The following CTNNAL1 variants were observed in gnomAD, a reference collection of about 807,000 sequenced individuals.
The protein encoded by CTNNAL1 is catenin alpha like 1, also known as alpha-catulin.
A neutral mutation model predicts 93.6 loss-of-function variants in CTNNAL1; 69 were observed. The ratio of observed to expected loss-of-function variants is 0.74; its 90% CI spans 0.61 to 0.90. The LOEUF (loss-of-function observed/expected upper bound fraction) is 0.90, where lower values mean the gene tolerates loss of function less well. CTNNAL1 is among the 40% of genes least tolerant of loss of function. The probability of loss-of-function intolerance (pLI) is 0.00; values close to 1 mark genes in which losing one functional copy is unlikely to be tolerated. For missense variants in CTNNAL1, 836 were observed against 862.0 expected (o/e 0.97, Z 0.38); for synonymous variants, 286 against 305.4 (o/e 0.94, Z 0.66).
At chr9:108,979,101 T>C (rs950235141) in intron 7 of CTNNAL1, among the ~76,000 whole-genome samples, 180 bp downstream of exon 7, 6 of 152,108 alleles carry the variant, frequency 3.9e-5, no homozygotes, top group Non-Finnish European at 8.8e-5. Context: ...ATGTCAAGTA[T>C]TGTAAGTGCT....
At chr9:108,994,113 T>A (rs1831920169) in intron 2 of CTNNAL1, among the ~76,000 whole-genome samples, 1 of 152,088 alleles carries the variant, frequency 6.6e-6, no homozygotes, top group Admixed American at 6.6e-5. Flanking sequence ...GGGCCTGTAA[T>A]CCCAGCTACT....
intron 15 of CTNNAL1, among the ~76,000 whole-genome samples, chr9:108,947,799 G>A (rs1830448834): frequency 6.6e-6 from 1 of 152,188 alleles, no homozygotes; most frequent in Non-Finnish European, 1.5e-5. Flanking sequence ...TCTCTCATGT[G>A]TTATCTCATT....
At chr9:108,961,460 C>T (rs1163287572) in intron 11 of CTNNAL1, among the ~76,000 whole-genome samples, 2 of 152,152 alleles carry the variant, frequency 1.3e-5, no homozygotes, top group Admixed American at 6.5e-5. Flanking sequence ...CTACATAAAC[C>T]CTTCCTGAAC....
At chr9:108,972,868 G>GCCCCCCCCCCCCCCCGGGT in intron 8 of CTNNAL1, 35 bp from the exon 9 acceptor site, 1 of 1,092,792 alleles carries the variant, frequency 9.2e-7, no homozygotes, top group African/African-American at 1.7e-5. Context: ...GGGTGGGAGG[G>GCCCCCCCCCCCCCCCGGGT]TGGAGAAGGA....
intron 1 of CTNNAL1, among the ~76,000 whole-genome samples, chr9:109,006,540 C>A (rs1324441451): frequency 6.6e-6 from 1 of 152,060 alleles, no homozygotes; most frequent in African/African-American, 2.4e-5. Context: ...TCATAATATG[C>A]CAAATACAAT....
chr9:108,990,172 T>A (rs915675527), intron 4 of CTNNAL1, among the ~76,000 whole-genome samples: 6 of 152,216 alleles, frequency 3.9e-5, no homozygotes, highest in African/African-American at 1.2e-4. Context: ...GGAAAGTTTA[T>A]CCTTGTCTCA....
intron 11 of CTNNAL1, among the ~76,000 whole-genome samples, chr9:108,959,411 G>A (rs1006022837): frequency 3.6e-5 from 5 of 139,084 alleles, no homozygotes; most frequent in Non-Finnish European, 7.8e-5. Context: ...ATCACAGCGA[G>A]ACTCCCATCT....
chr9:108,979,589 T>A (rs551413691), intron 6 of CTNNAL1, 108 bp from the exon 7 acceptor site: 165 of 1,022,784 alleles, frequency 1.6e-4, no homozygotes, highest in South Asian at 9.8e-4. Flanking sequence ...CATTTCCTTT[T>A]CCCAAGCTGA....
intron 1 of CTNNAL1, 96 bp downstream of exon 1, chr9:109,013,206 G>A: frequency 7.4e-7 from 1 of 1,346,200 alleles, no homozygotes; most frequent in South Asian, 1.7e-5. Flanking sequence ...CGGAAAGTGG[G>A]GCAGCGGCTG....
At chr9:108,950,023 C>CAAAA (rs145183101) in intron 14 of CTNNAL1, among the ~76,000 whole-genome samples, 2 of 76,104 alleles carry the variant, frequency 2.6e-5, no homozygotes, top group Admixed American at 1.3e-4. Context: ...GGCTACATCT[C>CAAAA]AAAAAAAAAA....
chr9:108,942,887 C>T, intron 18 of CTNNAL1, 53 bp from the exon 19 acceptor site: 1 of 1,610,078 alleles, frequency 6.2e-7, no homozygotes, highest in Non-Finnish European at 8.5e-7. Flanking sequence ...AAAAAAATTA[C>T]AAAATTAAGT....
Position 109,012,064 on chromosome 9 carries a change from G to A in CTNNAL1, c.141+1238C>T, listed in dbSNP as rs1827219943. 2.0e-5 allele frequency among the ~76,000 whole-genome samples: 3 copies of A among 152,336 alleles called. No homozygotes were observed. The South Asian group carries it at 6.2e-4, about 32-fold the overall frequency. ...CCTTCCCACTGGTCAGAGCCTCAATGAGACACAGGAAAAGGGAAGGAGAGT... is the reference window on the plus strand; with the variant it reads ...CCTTCCCACTGGTCAGAGCCTCAATAAGACACAGGAAAAGGGAAGGAGAGT... On this transcript the variant is annotated intron_variant, in intron 1 of 18. Coordinates refer to ENST00000325551, the MANE Select transcript of CTNNAL1 (RefSeq NM_003798.4).
At chr9:108,971,490 A>G (rs28361144) in intron 9 of CTNNAL1, among the ~76,000 whole-genome samples, 2,397 of 152,298 alleles carry the variant, frequency 0.016, 31 homozygotes, top group Non-Finnish European at 0.025. Flanking sequence ...GAAGTAACTG[A>G]ATCATGGGGG....
intron 8 of CTNNAL1, 35 bp from the exon 9 acceptor site, chr9:108,972,868 G>GGCCCCCCGGGC: frequency 9.2e-7 from 1 of 1,092,790 alleles, no homozygotes; most frequent in Non-Finnish European, 1.2e-6. Flanking sequence ...GGGTGGGAGG[G>GGCCCCCCGGGC]TGGAGAAGGA....
intron 7 of CTNNAL1, 70 bp from the exon 8 acceptor site, chr9:108,977,118 G>T: frequency 1.5e-6 from 1 of 663,452 alleles, no homozygotes; most frequent in Non-Finnish European, 2.4e-6. Flanking sequence ...AATTTTGTTT[G>T]GACTGTAAAT....
chr9:108,942,827 A>C lies in CTNNAL1; in HGVS notation c.2147T>G (p.Met716Arg), dbSNP rs28361182. 1.4e-3 allele frequency: 2,234 copies of C among 1,613,774 alleles called. 43 individuals are homozygous for C. The South Asian group carries it at 0.023, about 16-fold the overall frequency. Reference sequence around the variant, plus strand: ...AACTGAGACCCATCCGTTATTTTCCATCTGAAGCTGGAAAGAGTTAAGACA... The same window carrying C: ...AACTGAGACCCATCCGTTATTTTCCCTCTGAAGCTGGAAAGAGTTAAGACA... ...LCYKLLKKLQMENNGWVSVTN... is the reference protein window; with the variant it reads ...LCYKLLKKLQRENNGWVSVTN... Residue 716 changes from methionine (M) to arginine (R), a missense_variant, in exon 19 of 19, where the codon ATG becomes AGG. By Grantham distance (91) the Met-to-Arg change is moderately conservative (BLOSUM62 -1). Coordinates refer to ENST00000325551, the MANE Select transcript of CTNNAL1 (RefSeq NM_003798.4).
intron 8 of CTNNAL1, 31 bp from the exon 9 acceptor site, chr9:108,972,864 G>GGGGGGGGGGGGCCCCCCCCCCCCCC: frequency 2.8e-5 from 4 of 142,568 alleles, no homozygotes; most frequent in East Asian, 2.2e-4. Context: ...GGGGGGGTGG[G>GGGGGGGGGGGGCCCCCCCCCCCCCC]AGGGTGGAGA....
chr9:108,990,146 T>C (rs890976424), intron 4 of CTNNAL1, among the ~76,000 whole-genome samples: 4 of 152,236 alleles, frequency 2.6e-5, no homozygotes, highest in Admixed American at 2.6e-4. Context: ...TTCGATCTGC[T>C]AGCACAGTGA....
chr9:108,965,306 G>T, intron 11 of CTNNAL1, 72 bp downstream of exon 11: 6 of 1,220,958 alleles, frequency 4.9e-6, no homozygotes, highest in Non-Finnish European at 6.5e-6. Flanking sequence ...TGCAGTTGAG[G>T]TTTGGCATTA....
Sources: gnomAD v4.1 joint callset for allele counts (sites outside exome capture counted in the v4.1 genomes callset) on GRCh38, gnomAD v4.1.1 for gene constraint, MANE v1.5 for transcripts, NCBI Gene and HGNC (gene_info 2026-07-23, HGNC 2026-07-21) for gene names.